STAC: variants seen among roughly 807,000 people sequenced by gnomAD.
The protein encoded by STAC is SH3 and cysteine rich domain.
STAC carries 43 observed loss-of-function variants against 48.8 expected under a neutral mutation model. The observed-to-expected ratio is 0.88, with a 90% CI of 0.69 to 1.14. The LOEUF (loss-of-function observed/expected upper bound fraction) is 1.14. Among genes scored for constraint, STAC ranks in the 50% most tolerant of loss-of-function variants. The probability of loss-of-function intolerance (pLI) is 0.00; values close to 1 mark genes in which losing one functional copy is unlikely to be tolerated. For missense variants in STAC, 497 were observed against 504.0 expected (o/e 0.99, Z 0.13); for synonymous variants, 193 against 179.5 (o/e 1.07, Z -0.60).
intron 5 of STAC, among the ~76,000 whole-genome samples, chr3:36,492,047 T>A (rs1293387949): frequency 2.4e-3 from 163 of 66,894 alleles, no homozygotes; most frequent in African/African-American, 4.6e-3. Context: ...TATATATATA[T>A]ATATATATAT....
intron 2 of STAC, among the ~76,000 whole-genome samples, chr3:36,462,869 T>C (rs1310117127): frequency 6.6e-6 from 1 of 152,208 alleles, no homozygotes; most frequent in Non-Finnish European, 1.5e-5. Context: ...AATAGGGAAG[T>C]ACCCTTCTGT....
chr3:36,504,285 GTAA>G, intron 6 of STAC, 105 bp from the exon 7 acceptor site: 2 of 1,035,878 alleles, frequency 1.9e-6, no homozygotes, highest in Non-Finnish European at 2.9e-6. Flanking sequence ...GCAATAAGTA[GTAA>G]AGTAGAAGCT....
chr3:36,436,697 T>C (rs1383561015), intron 1 of STAC, among the ~76,000 whole-genome samples: 1 of 152,180 alleles, frequency 6.6e-6, no homozygotes, highest in Admixed American at 6.5e-5. Flanking sequence ...CCTCTCCCTG[T>C]CCAAATTTAT....
At chr3:36,423,647 T>A (rs2125646474) in intron 1 of STAC, among the ~76,000 whole-genome samples, 1 of 152,232 alleles carries the variant, frequency 6.6e-6, no homozygotes, top group East Asian at 1.9e-4. Flanking sequence ...AGAGACCTGA[T>A]GTGAGAAGAC....
intron 8 of STAC, among the ~76,000 whole-genome samples, chr3:36,512,875 C>T (rs937884915): frequency 6.6e-6 from 1 of 152,156 alleles, no homozygotes; most frequent in African/African-American, 2.4e-5. Flanking sequence ...TTTGGGAATG[C>T]TTTGGGATTC....
intron 10 of STAC, among the ~76,000 whole-genome samples, chr3:36,538,473 A>G (rs1699249267): frequency 6.6e-6 from 1 of 152,328 alleles, no homozygotes; most frequent in Non-Finnish European, 1.5e-5. Flanking sequence ...TGCAATGAAC[A>G]TCTCTGAACA....
intron 10 of STAC, among the ~76,000 whole-genome samples, chr3:36,533,891 G>A (rs1293922930): frequency 6.6e-6 from 1 of 152,034 alleles, no homozygotes; most frequent in African/African-American, 2.4e-5. Context: ...TACAACATGT[G>A]CAGGTTTCTT....
At chr3:36,542,285 A>G (rs1575274740) in intron 10 of STAC, among the ~76,000 whole-genome samples, 1 of 152,264 alleles carries the variant, frequency 6.6e-6, no homozygotes, top group Non-Finnish European at 1.5e-5. Flanking sequence ...AACTGAATTG[A>G]TCCCATTCTC....
chr3:36,387,579 C>A (rs746770690), intron 1 of STAC, among the ~76,000 whole-genome samples: 2 of 152,084 alleles, frequency 1.3e-5, no homozygotes, highest in Non-Finnish European at 2.9e-5. Flanking sequence ...TAAGAGAAAT[C>A]ATATAATATT....
intron 1 of STAC, among the ~76,000 whole-genome samples, chr3:36,428,438 G>A (rs1430973168): frequency 1.3e-5 from 2 of 152,176 alleles, no homozygotes; most frequent in Non-Finnish European, 2.9e-5. Context: ...AATAGTTGTT[G>A]AATCTGGGTG....
chr3:36,480,971 G>A (rs1697630626), intron 2 of STAC, among the ~76,000 whole-genome samples: 1 of 152,214 alleles, frequency 6.6e-6, no homozygotes, highest in Non-Finnish European at 1.5e-5. Flanking sequence ...TGTGATAAAT[G>A]ATGTGAAAGA....
intron 2 of STAC, among the ~76,000 whole-genome samples, chr3:36,444,206 C>T (rs1046090834): frequency 2.0e-5 from 3 of 152,218 alleles, no homozygotes; most frequent in African/African-American, 7.2e-5. Flanking sequence ...TTTATGTACT[C>T]ATGTTCTCAT....
intron 1 of STAC, chr3:36,409,641 A>C (rs550221366): frequency 6.6e-6 from 1 of 152,304 alleles, no homozygotes; most frequent in East Asian, 1.9e-4. Context: ...ACTGACTTGA[A>C]GATATCTTGT....
intron 7 of STAC, 23 bp downstream of exon 7, chr3:36,504,480 A>C: frequency 6.2e-7 from 1 of 1,611,838 alleles, no homozygotes; most frequent in Non-Finnish European, 8.5e-7. Context: ...GTCACAGAAG[A>C]CAAGTCAGAC....
intron 2 of STAC, among the ~76,000 whole-genome samples, chr3:36,470,673 G>C (rs966470795): frequency 6.6e-6 from 1 of 152,244 alleles, no homozygotes; most frequent in South Asian, 2.1e-4. Context: ...GTATGCTCCT[G>C]TGGTAGTTCT....
intron 1 of STAC, among the ~76,000 whole-genome samples, chr3:36,426,670 T>G (rs1235282537): frequency 6.6e-6 from 1 of 152,012 alleles, no homozygotes; most frequent in South Asian, 2.1e-4. Flanking sequence ...GAAGCTTGGG[T>G]TCAAGTTCTA....
intron 2 of STAC, among the ~76,000 whole-genome samples, chr3:36,474,131 A>G (rs928367807): frequency 6.6e-6 from 1 of 152,182 alleles, no homozygotes; most frequent in Non-Finnish European, 1.5e-5. Flanking sequence ...GGAATCTATT[A>G]TGGGTACCCA....
intron 6 of STAC, among the ~76,000 whole-genome samples, chr3:36,496,785 T>A (rs1698162223): frequency 1.3e-5 from 2 of 152,202 alleles, no homozygotes; most frequent in Non-Finnish European, 2.9e-5. Flanking sequence ...TCGCCTGAAG[T>A]AAAATCTGGC....
chr3:36,447,280 G>A (rs986497806), intron 2 of STAC, among the ~76,000 whole-genome samples: 8 of 152,050 alleles, frequency 5.3e-5, no homozygotes, highest in Non-Finnish European at 1.2e-4. Flanking sequence ...AAAAAGGGGG[G>A]CATCTGTGAG....
Sources: allele counts gnomAD v4.1 joint callset (sites outside exome capture counted in the v4.1 genomes callset), GRCh38; gene constraint gnomAD v4.1.1; transcripts MANE v1.5; gene names NCBI Gene and HGNC (gene_info 2026-07-23, HGNC 2026-07-21).